C4orf51: variants seen among roughly 807,000 people sequenced by gnomAD.
C4orf51 encodes uncharacterized protein C4orf51.
C4orf51 carries 25 observed loss-of-function variants against 25.2 expected under a neutral mutation model. The ratio of observed to expected loss-of-function variants is 0.99; its 90% CI spans 0.72 to 1.39. The LOEUF (loss-of-function observed/expected upper bound fraction) is 1.39, where lower values mean the gene tolerates loss of function less well. Among genes scored for constraint, C4orf51 ranks in the 40% most tolerant of loss-of-function variants. The pLI is 0.00. For missense variants in C4orf51, 252 were observed against 239.6 expected (o/e 1.05, Z -0.34); for synonymous variants, 100 against 84.5 (o/e 1.18, Z -1.01).
the C4orf51 span, among the ~76,000 whole-genome samples, chr4:145,786,157 A>G: frequency 2.0e-5 from 3 of 152,188 alleles, no homozygotes; most frequent in African/African-American, 7.2e-5. Flanking sequence ...TCAAAAAACA[A>G]CAGGGACAAA....
In C4orf51 at chr4:145,732,528, G is replaced by A; in HGVS notation, c.577G>A (p.Gly193Ser). 6.2e-7 allele frequency: 1 copy of A among 1,610,628 alleles called. No individual in the cohort carries two copies. Among genetic ancestry groups the A allele is most frequent in the Non-Finnish European group, 8.5e-7 (1 of 1,178,794 alleles). Residue 193 changes from glycine to serine, a missense_variant, in exon 6 of 6, where the codon GGC (glycine) becomes AGC (serine). Transcript: ENST00000438731. ...AGAAGCTGATCGATACTCCGATTATGGCTGGGGAGGACCCTCATCGCCATT... is the reference window on the plus strand; with the variant it reads ...AGAAGCTGATCGATACTCCGATTATAGCTGGGGAGGACCCTCATCGCCATT... ...DSEADRYSDYGWGGPSSPFN is the reference protein window; with the variant it reads ...DSEADRYSDYSWGGPSSPFN
intron 1 of C4orf51, among the ~76,000 whole-genome samples, chr4:145,689,853 T>TA (rs1331147696): frequency 2.0e-5 from 3 of 152,048 alleles, no homozygotes; most frequent in Non-Finnish European, 2.9e-5. Flanking sequence ...TTTCACCATA[T>TA]AAAAAAAATT....
chr4:145,760,733 T>TTTTGTG, intron 1 of C4orf51: 3 of 1,007,052 alleles, frequency 3.0e-6, no homozygotes, highest in Non-Finnish European at 3.6e-6. Context: ...TTTTTTTTTT[T>TTTTGTG]TTTTGTCTTT....
chr4:145,732,541 C>T lies in C4orf51; in HGVS notation c.590C>T (p.Pro197Leu), dbSNP rs1264449433. Residue 197 changes from proline to leucine, a missense_variant, in exon 6 of 6, where the codon CCC (proline) becomes CTC (leucine). Coordinates refer to ENST00000438731, the MANE Select transcript of C4orf51 (RefSeq NM_001080531.3). ...DRYSDYGWGG[P>L]SSPFN ...TACTCCGATTATGGCTGGGGAGGAC[C>T]CTCATCGCCATTTAACTGAGTTGGA... 1 of 1,608,402 alleles carries T rather than the reference C, an allele frequency of 6.2e-7. No individual in the cohort carries two copies. The highest frequency in any genetic ancestry group is 1.3e-5 in the African/African-American group (1 of 74,802).
intron 2 of C4orf51, among the ~76,000 whole-genome samples, chr4:145,713,604 G>A (rs1025747960): frequency 3.2e-4 from 49 of 152,182 alleles, no homozygotes; most frequent in Admixed American, 2.6e-3. Flanking sequence ...CGAAGAAACT[G>A]ATTCCTTGAA....
At chr4:145,699,485 C>T (rs1346743481) in intron 2 of C4orf51, among the ~76,000 whole-genome samples, 1 of 152,108 alleles carries the variant, frequency 6.6e-6, no homozygotes, top group Admixed American at 6.6e-5. Flanking sequence ...TTTCTCCTTT[C>T]AATCTTGGCG....
chr4:145,695,482 C>G (rs766906723), intron 1 of C4orf51, among the ~76,000 whole-genome samples: 22 of 152,006 alleles, frequency 1.4e-4, no homozygotes, highest in Non-Finnish European at 2.5e-4. Flanking sequence ...GATATTAGAC[C>G]TTTGTCAGAT....
chr4:145,768,858 CAAAAAAA>C (rs1174930111), intron 1 of C4orf51, among the ~76,000 whole-genome samples: 22 of 4,516 alleles, frequency 4.9e-3, no homozygotes, highest in South Asian at 0.023. Context: ...GACTCCGTCT[CAAAAAAA>C]AAAAAAAAAA....
chr4:145,702,557 G>C (rs570991436), intron 2 of C4orf51, among the ~76,000 whole-genome samples: 48 of 152,226 alleles, frequency 3.2e-4, no homozygotes, highest in African/African-American at 1.0e-3. Flanking sequence ...TACATGCCCT[G>C]CTCTTGTTTA....
At chr4:145,729,856 G>A (rs187034645) in intron 4 of C4orf51, 36 bp from the exon 5 acceptor site, 83 of 1,561,930 alleles carry the variant, frequency 5.3e-5, no homozygotes, top group East Asian at 2.7e-4. Context: ...TCTCTTTATC[G>A]CAAACACTCA....
Position 145,761,268 on chromosome 4 carries a change from G to A in C4orf51, n.167-9720G>A. The A allele has an allele frequency of 7.8e-7, 1 of 1,289,908 alleles. No individual in the cohort carries two copies. Among genetic ancestry groups the A allele is most frequent in the Non-Finnish European group, 1.0e-6 (1 of 988,888 alleles). 79.9% of individuals were successfully genotyped at this position (1,289,908 alleles called of 1,614,324 possible). Reference sequence around the variant, plus strand: ...TGAACAGGCACTCTTCGCAGCTGAAGGTCTGGCGTGGGGCGTGCTTCAGCT... The same window carrying A: ...TGAACAGGCACTCTTCGCAGCTGAAAGTCTGGCGTGGGGCGTGCTTCAGCT... On this transcript the variant is annotated intron_variant and non_coding_transcript_variant, in intron 1 of 1. Coordinates refer to the C4orf51 transcript ENST00000510096. The surrounding 1 kb of genome is among the most constrained non-coding windows in gnomAD (Gnocchi z 6.8).
chr4:145,719,718 CT>C (rs1560844547), intron 2 of C4orf51, among the ~76,000 whole-genome samples: 3 of 152,210 alleles, frequency 2.0e-5, no homozygotes, highest in African/African-American at 7.2e-5. Flanking sequence ...GTGCGTGGCA[CT>C]GTTGCACACA....
At chr4:145,709,668 G>C (rs1430556742) in intron 2 of C4orf51, among the ~76,000 whole-genome samples, 2 of 152,234 alleles carry the variant, frequency 1.3e-5, no homozygotes, top group African/African-American at 2.4e-5. Context: ...GAAAACAGGA[G>C]AATAGGCAGC....
intron 2 of C4orf51, among the ~76,000 whole-genome samples, chr4:145,718,096 A>T (rs1008604747): frequency 6.6e-6 from 1 of 152,208 alleles, no homozygotes; most frequent in Non-Finnish European, 1.5e-5. Context: ...CCTAAGCTCC[A>T]TATCTGTGCC....
chr4:145,766,843 AGGTCT>A (rs1301303433), intron 1 of C4orf51, among the ~76,000 whole-genome samples: 6 of 152,318 alleles, frequency 3.9e-5, no homozygotes, highest in Middle Eastern at 3.4e-3. Context: ...AAACTAAGAA[AGGTCT>A]CTTAGTAGTG....
At chr4:145,792,387 GA>G in the C4orf51 span, among the ~76,000 whole-genome samples, 14 of 149,432 alleles carry the variant, frequency 9.4e-5, no homozygotes, top group African/African-American at 1.5e-4. Flanking sequence ...AAAAAAAAAA[GA>G]AAAAAAAGAA....
intron 2 of C4orf51, among the ~76,000 whole-genome samples, chr4:145,711,050 C>A (rs1293700544): frequency 6.6e-6 from 1 of 152,174 alleles, no homozygotes; most frequent in Non-Finnish European, 1.5e-5. Flanking sequence ...AGAATGCATG[C>A]ATATCAAAAC....
Position 145,765,240 on chromosome 4 carries a change from TC to T in C4orf51, n.167-5744del. ...GAGGGCAGGAGTGGAGCCAAGCTCC[TC>T]CCCACTTCCTCCCGCCTCCTCCGAC... On this transcript the variant is annotated intron_variant and non_coding_transcript_variant, in intron 1 of 1. Transcript: ENST00000510096. This position sits in a 1 kb window ranked among gnomAD's most constrained non-coding sequence, Gnocchi z 4.7. The T allele has an allele frequency of 6.9e-7, 1 of 1,454,012 alleles. No individual in the cohort carries two copies. The allele number at this position is 1,454,012 out of a possible 1,614,324, so 90.1% of individuals were successfully genotyped here. A position where few individuals can be genotyped will look rare whatever the true frequency, so the allele number is the denominator to read the frequency against.
At chr4:145,757,698 A>C (rs1443702928), downstream of C4orf51, 4 of 152,096 alleles carry the variant, frequency 2.6e-5, no homozygotes, top group Non-Finnish European at 5.9e-5. Flanking sequence ...GAAATTGGCA[A>C]TGCAACATAA....
Sources: gnomAD v4.1 joint callset for allele counts (sites outside exome capture counted in the v4.1 genomes callset) on GRCh38, gnomAD v4.1.1 for gene constraint, Gnocchi (gnomAD v3.1) non-coding constraint, MANE v1.5 for transcripts, NCBI Gene and HGNC (gene_info 2026-07-23, HGNC 2026-07-21) for gene names.